Variants in TBC1D26 observed in about 807,000 individuals in gnomAD.
TBC1D26 encodes TBC1 domain family member 26, also known as TBC1 domain family, member 26.
TBC1D26 carries 19 observed loss-of-function variants against 42.5 expected under a neutral mutation model. The observed-to-expected ratio is 0.45, with a 90% CI of 0.31 to 0.66. The LOEUF (loss-of-function observed/expected upper bound fraction) is 0.66. TBC1D26 is among the 30% of genes least tolerant of loss of function. The probability of loss-of-function intolerance (pLI) is 0.06; values close to 1 mark genes in which losing one functional copy is unlikely to be tolerated. For synonymous variants in TBC1D26, 97 were observed against 123.5 expected (o/e 0.79, Z 1.42); for missense variants, 228 against 332.6 (o/e 0.69, Z 2.45).
In TBC1D26 at chr17:15,744,682, C is replaced by T. The variant is rs1967870419; in HGVS notation, c.*90C>T. 1 of 152,054 alleles carries T rather than the reference C, an allele frequency of 6.6e-6. No homozygotes were observed. The highest frequency in any genetic ancestry group is 6.6e-5 in the Admixed American group (1 of 15,260). The allele number at this position is 152,054 out of a possible 1,614,324, so 9.4% of individuals were successfully genotyped here. ...CTTTATTATAACATAGGAAAGACTG[C>T]AAGTTATTACGGGAGGAGGAGGAGG... On this transcript the variant is annotated 3_prime_UTR_variant, in exon 15 of 15. Coordinates refer to ENST00000437605, the MANE Select transcript of TBC1D26 (RefSeq NM_001388465.1).
At chr17:15,739,231 A>T (rs2151500640) in intron 8 of TBC1D26, among the ~76,000 whole-genome samples, 1 of 151,322 alleles carries the variant, frequency 6.6e-6, no homozygotes, top group Non-Finnish European at 1.5e-5. Context: ...GGAAACTCTC[A>T]TCCATGGCTG....
chr17:15,740,915 C>A, intron 9 of TBC1D26: 1 of 684,170 alleles, frequency 1.5e-6, no homozygotes. Context: ...GGAGTCCCCC[C>A]ATGCTCCTTG....
chr17:15,744,581 T>A lies in TBC1D26; in HGVS notation c.1396T>A (p.Ser466Thr), dbSNP rs1057430. 3 of 152,070 alleles carry A rather than the reference T, an allele frequency of 2.0e-5. No homozygotes were observed. Among genetic ancestry groups the A allele is most frequent in the Admixed American group, 6.6e-5 (1 of 15,254 alleles). 9.4% of individuals were successfully genotyped at this position (152,070 alleles called of 1,614,324 possible). Residue 466 changes from serine (S) to threonine (T), a missense_variant, in exon 15 of 15, where the codon TCT becomes ACT. Transcript: ENST00000437605. ...TGTGCCCTGGCTGCTCTTGACACCC[T>A]CTGGCTCCTGACACCCTCTCTTCGG... The part of the protein sequence containing the change: ...AGVPWLLLTP[S>T]GS
At chr17:15,741,920 T>A (rs916998718) in intron 10 of TBC1D26, 22 bp from the exon 11 acceptor site, 2 of 1,612,070 alleles carry the variant, frequency 1.2e-6, no homozygotes, top group Admixed American at 3.3e-5. Context: ...TCTGATGGGG[T>A]GATGGGTCGC....
At chr17:15,742,525 G>A (rs1967818747) in intron 12 of TBC1D26, 46 bp downstream of exon 12, 2 of 202,048 alleles carry the variant, frequency 9.9e-6, no homozygotes, top group Non-Finnish European at 1.0e-5. Flanking sequence ...CTCCTGCCCT[G>A]CAGTGCCCAG....
chr17:15,740,955 C>A, intron 9 of TBC1D26, 167 bp from the exon 10 acceptor site: 1 of 870,146 alleles, frequency 1.1e-6, no homozygotes, highest in Non-Finnish European at 1.8e-6. Context: ...CCTGCTCAGT[C>A]CTCATGTCCA....
chr17:15,732,628 GCTGTGCTCTCAGCCCTGCC>G (rs1431469093), intron 1 of TBC1D26, among the ~76,000 whole-genome samples: 1 of 151,866 alleles, frequency 6.6e-6, no homozygotes, highest in Admixed American at 6.6e-5. Flanking sequence ...GTGATCCTGG[GCTGTGCTCTCAGCCCTGCC>G]CTGTGCATGC....
intron 9 of TBC1D26, chr17:15,740,818 GGCCTCCCCA>G (rs1352445219): frequency 1.5e-6 from 1 of 687,666 alleles, no homozygotes. Flanking sequence ...CTGGCACAGT[GGCCTCCCCA>G]GCCTGGCCCA....
chr17:15,734,230 C>A (rs1246227089), intron 1 of TBC1D26: 1 of 151,804 alleles, frequency 6.6e-6, no homozygotes, highest in Non-Finnish European at 1.5e-5. Flanking sequence ...CCAAATCTTC[C>A]TTGAGTTCTG....
chr17:15,734,316 T>C (rs1186687219), intron 1 of TBC1D26, among the ~76,000 whole-genome samples: 1 of 151,888 alleles, frequency 6.6e-6, no homozygotes, highest in East Asian at 1.9e-4. Context: ...GAGGGTGAAA[T>C]TCTTGGTCCA....
Position 15,742,398 on chromosome 17 carries a change from G to C in TBC1D26, c.742-16G>C, listed in dbSNP as rs2003515. 213,269 of 354,746 alleles carry C rather than the reference G, an allele frequency of 0.6. 64,661 individuals carry two copies. Among genetic ancestry groups the C allele is most frequent in the African/African-American group, 0.65 (30,443 of 46,592 alleles). 22.0% of individuals were successfully genotyped at this position (354,746 alleles called of 1,614,324 possible). A position where few individuals can be genotyped will look rare whatever the true frequency, so the allele number is the denominator to read the frequency against. ...GCAGCCCAGGGGGCCCTGAGCACGT[G>C]TGCTCCTCCCTTCAGGGCAAGGAAG... On this transcript the variant is annotated splice_polypyrimidine_tract_variant and intron_variant, in intron 11 of 14. Coordinates refer to ENST00000437605, the MANE Select transcript of TBC1D26 (RefSeq NM_001388465.1).
At chr17:15,740,498 C>G in intron 9 of TBC1D26, 1 of 1,242,966 alleles carries the variant, frequency 8.0e-7, no homozygotes, top group Non-Finnish European at 1.0e-6. Context: ...GAGTTTGCAT[C>G]CTGGGGGAGC....
chr17:15,741,471 T>C (rs1472238472), intron 10 of TBC1D26: 1 of 595,008 alleles, frequency 1.7e-6, no homozygotes, highest in Non-Finnish European at 2.9e-6. Flanking sequence ...TACCTCCCCC[T>C]GGCTGCCCTC....
chr17:15,738,859 C>T, intron 8 of TBC1D26, 29 bp downstream of exon 8: 1 of 1,607,924 alleles, frequency 6.2e-7, no homozygotes, highest in Non-Finnish European at 8.5e-7. Flanking sequence ...GCAGGGGTCC[C>T]AGGGAAGATG....
At chr17:15,737,458 T>C in intron 4 of TBC1D26, 26 bp from the exon 5 acceptor site, 1 of 1,574,476 alleles carries the variant, frequency 6.4e-7, no homozygotes, top group Non-Finnish European at 8.7e-7. Flanking sequence ...GGGCAGGTCC[T>C]CAGCTCTGCC....
At chr17:15,738,142 G>T in intron 6 of TBC1D26, 65 bp downstream of exon 6, 3 of 1,613,206 alleles carry the variant, frequency 1.9e-6, no homozygotes, top group Non-Finnish European at 2.5e-6. Flanking sequence ...GGCACCCATG[G>T]TTGTGACCTG....
At position 15,741,788 on chromosome 17, in the gene TBC1D26, C is replaced by A. The variant is rs571602964; in HGVS notation, c.647-154C>A. The A allele has an allele frequency of 4.3e-4, 289 of 678,916 alleles. 3 individuals are homozygous for A. In the South Asian group the frequency reaches 5.3e-3, roughly 12 times the overall value. The allele number at this position is 678,916 out of a possible 1,614,324, so 42.1% of individuals were successfully genotyped here. ...AGGCAGTGCCTCCAGCCAGGGACCT[C>A]CTCCCCAGGGCTGAGGCTACATGCT... On this transcript the variant is annotated intron_variant, in intron 10 of 14. Coordinates refer to ENST00000437605, the MANE Select transcript of TBC1D26 (RefSeq NM_001388465.1).
At chr17:15,741,286 G>T in intron 10 of TBC1D26, 65 bp downstream of exon 10, 1 of 1,608,040 alleles carries the variant, frequency 6.2e-7, no homozygotes. Context: ...CCATGCCAGG[G>T]GACAGCCACC....
intron 9 of TBC1D26, 136 bp downstream of exon 9, chr17:15,740,284 C>T: frequency 6.2e-7 from 1 of 1,602,426 alleles, no homozygotes; most frequent in Non-Finnish European, 8.5e-7. Context: ...CTTCAGCTCG[C>T]TGCTGGCAGA....
Sources: gnomAD v4.1 joint callset for allele counts (sites outside exome capture counted in the v4.1 genomes callset) on GRCh38, gnomAD v4.1.1 for gene constraint, MANE v1.5 for transcripts, NCBI Gene and HGNC (gene_info 2026-07-23, HGNC 2026-07-21) for gene names.